LPXN: variants seen among roughly 807,000 people sequenced by gnomAD.
The protein encoded by LPXN is leupaxin.
Under a neutral mutation model 45.6 loss-of-function variants are expected in LPXN, and 28 were observed. That is an observed-to-expected ratio of 0.61 (90% CI 0.45 to 0.84). The LOEUF (loss-of-function observed/expected upper bound fraction) is 0.84, where lower values mean the gene tolerates loss of function less well. Among genes scored for constraint, LPXN ranks in the 40% least tolerant of loss-of-function variants. LPXN has a pLI of 0.00. For missense variants in LPXN, 459 were observed against 475.0 expected (o/e 0.97, Z 0.31); for synonymous variants, 166 against 169.9 (o/e 0.98, Z 0.18).
intron 3 of LPXN, among the ~76,000 whole-genome samples, chr11:58,557,311 A>G (rs1202847794): frequency 1.3e-5 from 2 of 152,130 alleles, no homozygotes; most frequent in Non-Finnish European, 2.9e-5. Context: ...GTGTCCATCA[A>G]TGGATGGACA....
Position 58,550,164 on chromosome 11 carries a change from G to A in LPXN, c.487-18C>T. The A allele has an allele frequency of 6.2e-7, 1 of 1,606,756 alleles. No homozygotes were observed. The highest frequency in any genetic ancestry group is 1.1e-5 in the South Asian group (1 of 91,026). ...TGGATCACCTGTGGAGTGAAATAAA[G>A]CCTGACACAGGAGGCCAGTTGAGTG... On this transcript the variant is annotated intron_variant, in intron 5 of 8. Transcript: ENST00000395074.
intron 5 of LPXN, 142 bp from the exon 6 acceptor site, chr11:58,550,288 C>T (rs1854011152): frequency 5.1e-6 from 4 of 781,522 alleles, no homozygotes; most frequent in Admixed American, 2.4e-5. Context: ...GAGGCCTAGA[C>T]CTAGGTTCCA....
chr11:58,544,684 C>T (rs1853826527), intron 7 of LPXN, among the ~76,000 whole-genome samples: 1 of 152,080 alleles, frequency 6.6e-6, no homozygotes, highest in South Asian at 2.1e-4. Flanking sequence ...TGGAGGATCT[C>T]TTTGGGACCA....
intron 7 of LPXN, among the ~76,000 whole-genome samples, chr11:58,533,936 C>A (rs1011591215): frequency 2.0e-5 from 3 of 152,114 alleles, no homozygotes; most frequent in Non-Finnish European, 4.4e-5. Flanking sequence ...ATGGGCATTA[C>A]ATAATGGTAA....
At chr11:58,578,149 T>A (rs1165869976), upstream of LPXN, 6 of 1,439,456 alleles carry the variant, frequency 4.2e-6, no homozygotes, top group Non-Finnish European at 5.6e-6. Flanking sequence ...AACGCCCAGA[T>A]AAAAAGTAAG....
chr11:58,532,302 G>A (rs376967212), intron 7 of LPXN, among the ~76,000 whole-genome samples: 19 of 152,358 alleles, frequency 1.2e-4, no homozygotes, highest in South Asian at 6.2e-4. Context: ...CAGTCCCATC[G>A]ACCGCCCAAG....
At chr11:58,551,612 C>CT (rs564871975) in intron 4 of LPXN, among the ~76,000 whole-genome samples, 1 of 152,304 alleles carries the variant, frequency 6.6e-6, no homozygotes, top group South Asian at 2.1e-4. Context: ...AATCACTGCT[C>CT]TAAGCACTTG....
intron 1 of LPXN, among the ~76,000 whole-genome samples, chr11:58,571,379 A>C (rs547098140): frequency 1.1e-4 from 15 of 141,736 alleles, no homozygotes; most frequent in South Asian, 2.2e-4. Context: ...ATAAATAAAT[A>C]AATCCTAAAT....
intron 2 of LPXN, among the ~76,000 whole-genome samples, chr11:58,568,097 G>A (rs1288179216): frequency 6.6e-6 from 1 of 152,110 alleles, no homozygotes; most frequent in Non-Finnish European, 1.5e-5. Context: ...CATGAGTGGT[G>A]GTTCACAAAG....
upstream of LPXN, chr11:58,578,335 T>A: frequency 3.6e-6 from 1 of 278,986 alleles, no homozygotes; most frequent in South Asian, 3.7e-5. Flanking sequence ...CCTCCCGGCA[T>A]CCTCTCCACC....
At chr11:58,531,044 C>G (rs1853371719) in intron 7 of LPXN, among the ~76,000 whole-genome samples, 1 of 152,172 alleles carries the variant, frequency 6.6e-6, no homozygotes, top group African/African-American at 2.4e-5. Flanking sequence ...GACACTCCAT[C>G]TGAAGGTCAC....
At chr11:58,574,032 C>T (rs1854799436) in intron 1 of LPXN, among the ~76,000 whole-genome samples, 5 of 143,950 alleles carry the variant, frequency 3.5e-5, no homozygotes, top group African/African-American at 1.1e-4. Context: ...GTCCTCGATG[C>T]CATTTCTCTG....
At chr11:58,536,946 C>T (rs557332146) in intron 7 of LPXN, among the ~76,000 whole-genome samples, 1 of 151,210 alleles carries the variant, frequency 6.6e-6, no homozygotes, top group South Asian at 2.1e-4. Flanking sequence ...AAATGCAAAT[C>T]AAAACCATAA....
intron 7 of LPXN, among the ~76,000 whole-genome samples, chr11:58,538,502 T>C (rs930153807): frequency 7.2e-5 from 11 of 152,284 alleles, no homozygotes; most frequent in Admixed American, 4.6e-4. Flanking sequence ...GTGGTTTTGA[T>C]TTGCATTTCT....
chr11:58,573,110 C>A (rs1052839189), intron 1 of LPXN, among the ~76,000 whole-genome samples: 1 of 151,762 alleles, frequency 6.6e-6, no homozygotes, highest in South Asian at 2.1e-4. Context: ...CCAGGCATGG[C>A]GGCACATGTC....
intron 4 of LPXN, among the ~76,000 whole-genome samples, chr11:58,551,642 C>T (rs1439785418): frequency 6.6e-6 from 1 of 152,136 alleles, no homozygotes; most frequent in South Asian, 2.1e-4. Context: ...AAAGATAAGA[C>T]AGACCAAGTG....
intron 7 of LPXN, among the ~76,000 whole-genome samples, chr11:58,529,133 C>T (rs1853312341): frequency 1.3e-5 from 2 of 151,676 alleles, no homozygotes; most frequent in Non-Finnish European, 2.9e-5. Context: ...TAAATAAAGC[C>T]CAAATTCCAA....
chr11:58,558,540 C>CAAAAAAAA (rs35870490), intron 3 of LPXN, among the ~76,000 whole-genome samples: 11 of 48,008 alleles, frequency 2.3e-4, no homozygotes, highest in East Asian at 1.3e-3. Flanking sequence ...GAGACCCTGT[C>CAAAAAAAA]AAAAAAAAAA....
chr11:58,578,328 C>G (rs746219475), upstream of LPXN: 3 of 292,400 alleles, frequency 1.0e-5, no homozygotes, highest in Non-Finnish European at 2.0e-5. Context: ...GTTAGAACCT[C>G]CCGGCATCCT....
Sources: allele counts gnomAD v4.1 joint callset (sites outside exome capture counted in the v4.1 genomes callset), GRCh38; gene constraint gnomAD v4.1.1; transcripts MANE v1.5; gene names NCBI Gene and HGNC (gene_info 2026-07-23, HGNC 2026-07-21).